NPHP4: variants seen among roughly 807,000 people sequenced by gnomAD.
NPHP4 encodes nephrocystin-4.
Under a neutral mutation model 155.8 loss-of-function variants are expected in NPHP4, and 151 were observed. The observed-to-expected ratio is 0.97, with a 90% CI of 0.85 to 1.11. The LOEUF (loss-of-function observed/expected upper bound fraction) is 1.11, where lower values mean the gene tolerates loss of function less well. Among genes scored for constraint, NPHP4 ranks in the 50% least tolerant of loss-of-function variants. The pLI is 0.00. For synonymous variants in NPHP4, 845 were observed against 816.8 expected, an observed-to-expected ratio of 1.03 and a Z score of -0.59; for missense variants, 1,956 against 1,925.7, an observed-to-expected ratio of 1.02 and a Z score of -0.29.
chr1:5,928,280 G>A (rs1646114028), intron 10 of NPHP4, among the ~76,000 whole-genome samples: 1 of 152,168 alleles, frequency 6.6e-6, no homozygotes, highest in Non-Finnish European at 1.5e-5. Context: ...TTTTGAGAAT[G>A]TCAAAAAAAT....
chr1:5,875,409 C>G lies in NPHP4; in HGVS notation c.2818-309G>C, dbSNP rs17027336. ...TCTGGCCCCCCGCACGGTGGAGAAT[C>G]AGAAGTTTCAAACAAGAGAAAAGAA... is the stretch of plus-strand genomic sequence containing the variant. On this transcript the variant is annotated intron_variant, in intron 20 of 29. Transcript: ENST00000378156. Among the ~76,000 whole-genome samples, 330 of 152,292 alleles carry G rather than the reference C, an allele frequency of 2.2e-3. 3 individuals are homozygous for G. Among genetic ancestry groups the G allele is most frequent in the African/African-American group, 7.8e-3 (323 of 41,534 alleles).
chr1:5,923,480 G>A (rs1645848576), intron 11 of NPHP4, among the ~76,000 whole-genome samples: 1 of 152,156 alleles, frequency 6.6e-6, no homozygotes, highest in Non-Finnish European at 1.5e-5. Context: ...CATTTACAGA[G>A]GGTCCCACCC....
At chr1:5,946,841 C>T (rs531888415) in intron 9 of NPHP4, among the ~76,000 whole-genome samples, 36 of 152,358 alleles carry the variant, frequency 2.4e-4, no homozygotes, top group African/African-American at 8.2e-4. Flanking sequence ...GACAGCTGAA[C>T]CCATGGAAGT....
intron 26 of NPHP4, 37 bp downstream of exon 26, chr1:5,866,336 G>A (rs765831751): frequency 9.4e-6 from 13 of 1,379,834 alleles, no homozygotes; most frequent in African/African-American, 1.4e-5. Flanking sequence ...CCTCTCCTCC[G>A]CCACCGCCTC....
intron 6 of NPHP4, 95 bp from the exon 7 acceptor site, chr1:5,952,931 GCC>G: frequency 8.1e-7 from 1 of 1,237,918 alleles, no homozygotes; most frequent in Non-Finnish European, 1.1e-6. Flanking sequence ...CTCAGCCGGG[GCC>G]TGCAGCAACG....
At chr1:5,990,553 A>G (rs940426845) in intron 1 of NPHP4, among the ~76,000 whole-genome samples, 5 of 152,220 alleles carry the variant, frequency 3.3e-5, no homozygotes, top group African/African-American at 1.2e-4. Flanking sequence ...CTGCCAAATG[A>G]GAATCATCAT....
intron 23 of NPHP4, among the ~76,000 whole-genome samples, chr1:5,872,167 A>G (rs1557607992): frequency 6.6e-6 from 1 of 152,218 alleles, no homozygotes; most frequent in Non-Finnish European, 1.5e-5. Context: ...TCACAGCATA[A>G]AGAGACAACA....
Position 5,865,113 on chromosome 1 carries a change from G to A in NPHP4, c.3805C>T (p.Gln1269Ter). 6.2e-7 allele frequency: 1 copy of A among 1,613,634 alleles called. No homozygotes were observed. The highest frequency in any genetic ancestry group is 8.5e-7 in the Non-Finnish European group (1 of 1,179,774). The change falls in exon 27 of 30, where the codon CAG (glutamine) becomes TAG (stop). Residue 1269 changes from glutamine to a stop codon, truncating the protein, a stop_gained. Coordinates refer to ENST00000378156, the MANE Select transcript of NPHP4 (RefSeq NM_015102.5). LOFTEE classifies it high-confidence loss of function. ...CAGAGAGGCCGTACCTTCAGCTCCT[G>A]GGGATGAGAGGTGAAAGCTCTCACT... ...RKVRAFTSHP[Q>*]ELKTDPKGVF...
At chr1:5,980,768 G>A (rs1216343895) in intron 2 of NPHP4, among the ~76,000 whole-genome samples, 1 of 152,170 alleles carries the variant, frequency 6.6e-6, no homozygotes, top group Non-Finnish European at 1.5e-5. Flanking sequence ...AAGCAACGTG[G>A]AGGGAGGTGG....
chr1:5,889,360 G>A lies in NPHP4; in HGVS notation c.2304+1508C>T, dbSNP rs940347158. 1.3e-5 allele frequency among the ~76,000 whole-genome samples: 2 copies of A among 152,166 alleles called. No individual in the cohort carries two copies. The highest frequency in any genetic ancestry group is 2.4e-5 in the African/African-American group (1 of 41,420). ...CTCTCTGATCATCTCAGTTTTTCACGTTTTCTACCTAAGTTTTAAAGTTAC... is the reference window on the plus strand; with the variant it reads ...CTCTCTGATCATCTCAGTTTTTCACATTTTCTACCTAAGTTTTAAAGTTAC... On this transcript the variant is annotated intron_variant, in intron 17 of 29. Coordinates refer to ENST00000378156, the MANE Select transcript of NPHP4 (RefSeq NM_015102.5). The surrounding 1 kb of genome is among the most constrained non-coding windows in gnomAD (Gnocchi z 4.2).
In NPHP4 at chr1:5,927,749, G is replaced by T; in HGVS notation, c.1341C>A (p.Phe447Leu). The T allele has an allele frequency of 6.2e-7, 1 of 1,613,364 alleles. No individual in the cohort carries two copies. The highest frequency in any genetic ancestry group is 1.3e-5 in the African/African-American group (1 of 74,976). Residue 447 changes from phenylalanine to leucine, a missense_variant, in exon 11 of 30, where the codon TTC (phenylalanine) becomes TTA (leucine). Coordinates refer to ENST00000378156, the MANE Select transcript of NPHP4 (RefSeq NM_015102.5). ...QVESGTLRFQ[F>L]SLGSEEHLDA... ...CCAGGTGTTCTTCTGAGCCCAGCGA[G>T]AACTGGAACCGGAGTGTACCCGACT... is the stretch of plus-strand genomic sequence containing the variant.
At chr1:5,886,405 T>C (rs766043045) in intron 18 of NPHP4, 1 of 152,270 alleles carries the variant, frequency 6.6e-6, no homozygotes, top group African/African-American at 2.4e-5. Context: ...CATGGGGCTC[T>C]GGGGTTTACA....
chr1:5,957,239 T>C (rs1452997457), intron 6 of NPHP4, among the ~76,000 whole-genome samples: 5 of 152,118 alleles, frequency 3.3e-5, no homozygotes, highest in South Asian at 2.1e-4. Flanking sequence ...TCTACAACAA[T>C]CCATTTTATT....
In NPHP4 at chr1:5,948,168, C is replaced by T. The variant is rs964392787; in HGVS notation, c.894G>A (p.Val298=). The T allele has an allele frequency of 3.7e-6, 6 of 1,613,122 alleles. No individual in the cohort carries two copies. The highest frequency in any genetic ancestry group is 5.1e-6 in the Non-Finnish European group (6 of 1,179,766). Reference sequence around the variant, plus strand: ...CCAGTACAACGACCTGCGGCCTCTGCACGAAGCCCAGACCATTGTGCACGC... The same window carrying T: ...CCAGTACAACGACCTGCGGCCTCTGTACGAAGCCCAGACCATTGTGCACGC... ...RVGVHNGLGF[V]QRPQVVVLVP... Residue 298 remains valine, a synonymous_variant, in exon 8 of 30, where the codon GTG becomes GTA. Transcript: ENST00000378156.
At chr1:5,878,529 A>G (rs548521507) in intron 19 of NPHP4, among the ~76,000 whole-genome samples, 1 of 152,350 alleles carries the variant, frequency 6.6e-6, no homozygotes, top group Admixed American at 6.5e-5. Flanking sequence ...TTACAGAGTG[A>G]CCGTGAAACT....
At chr1:5,975,528 T>C (rs527274439) in intron 3 of NPHP4, among the ~76,000 whole-genome samples, 2 of 152,310 alleles carry the variant, frequency 1.3e-5, no homozygotes, top group African/African-American at 4.8e-5. Context: ...CCAGAGGTTT[T>C]AAGGACTATG....
intron 16 of NPHP4, among the ~76,000 whole-genome samples, chr1:5,893,507 G>A (rs1644246906): frequency 6.6e-6 from 1 of 152,202 alleles, no homozygotes; most frequent in South Asian, 2.1e-4. Context: ...CATTATTTCT[G>A]CATATCAGAG....
rs751495640 is a variant in NPHP4 at position 5,864,425 on chromosome 1, G to C, written c.3909C>G (p.Val1303=). Residue 1303 remains valine, a synonymous_variant, in exon 28 of 30, where the codon GTC becomes GTG. Transcript: ENST00000378156. The part of the protein sequence containing the change: ...VRPLRAGSRF[V]HLNLVDVDCH... ...AATCCACGTCCACCAGGTTGAGATG[G>C]ACAAAGCGGCTGCCGGCCCTAAGGG... The C allele has an allele frequency of 2.5e-6, 4 of 1,611,206 alleles. No individual in the cohort carries two copies. The highest frequency in any genetic ancestry group is 1.7e-4 in the Middle Eastern group (1 of 6,052).
chr1:5,883,061 ACT>A (rs199731297), intron 18 of NPHP4, among the ~76,000 whole-genome samples: 1 of 151,852 alleles, frequency 6.6e-6, no homozygotes, highest in African/African-American at 2.4e-5. Flanking sequence ...CGCTTTCATC[ACT>A]CTCTCCACCA....
Sources: allele counts gnomAD v4.1 joint callset (sites outside exome capture counted in the v4.1 genomes callset), GRCh38; gene constraint gnomAD v4.1.1; non-coding constraint Gnocchi (gnomAD v3.1); transcripts MANE v1.5; gene names NCBI Gene and HGNC (gene_info 2026-07-23, HGNC 2026-07-21).